FARS2: variants seen among roughly 807,000 people sequenced by gnomAD.
The protein encoded by FARS2 is phenylalanyl-tRNA synthetase 2, mitochondrial, also known as phenylalanine--tRNA ligase, mitochondrial.
A neutral mutation model predicts 46.4 loss-of-function variants in FARS2; 40 were observed. The ratio of observed to expected loss-of-function variants is 0.86; its 90% confidence interval spans 0.67 to 1.12. FARS2 has a LOEUF of 1.12. FARS2 is among the 50% of genes most tolerant of loss of function. FARS2 has a pLI of 0.00. For synonymous variants in FARS2, 234 were observed against 214.9 expected (o/e 1.09, Z -0.78); for missense variants, 513 against 567.9 (o/e 0.90, Z 0.98).
intron 4 of FARS2, among the ~76,000 whole-genome samples, chr6:5,498,470 G>T (rs975880487): frequency 6.6e-6 from 1 of 152,302 alleles, no homozygotes; most frequent in Admixed American, 6.5e-5. Flanking sequence ...AAACGTAAGT[G>T]TTTCTCCTCT....
At chr6:5,643,962 A>G (rs940386251) in intron 6 of FARS2, among the ~76,000 whole-genome samples, 1 of 152,204 alleles carries the variant, frequency 6.6e-6, no homozygotes, top group African/African-American at 2.4e-5. Flanking sequence ...TTGCTGGGGC[A>G]TTTACTGTAC....
intron 6 of FARS2, among the ~76,000 whole-genome samples, chr6:5,738,195 C>T (rs1761073689): frequency 6.6e-6 from 1 of 152,252 alleles, no homozygotes; most frequent in South Asian, 2.1e-4. Context: ...AAGCAATCCT[C>T]CTGCCTTGGC....
At chr6:5,733,140 C>A (rs1030370034) in intron 6 of FARS2, among the ~76,000 whole-genome samples, 14 of 152,202 alleles carry the variant, frequency 9.2e-5, no homozygotes, top group Admixed American at 6.5e-5. Flanking sequence ...ACCCTTCTGC[C>A]TCTGCGGAGA....
intron 6 of FARS2, among the ~76,000 whole-genome samples, chr6:5,754,094 A>G (rs1469344867): frequency 1.3e-5 from 2 of 152,244 alleles, no homozygotes; most frequent in South Asian, 2.1e-4. Context: ...AGTAACTGCT[A>G]TCTTTTATTG....
At chr6:5,671,973 T>C (rs1778490680) in intron 6 of FARS2, among the ~76,000 whole-genome samples, 1 of 152,178 alleles carries the variant, frequency 6.6e-6, no homozygotes, top group Admixed American at 6.5e-5. Flanking sequence ...GCGGAAGACA[T>C]TGTCCTACTT....
chr6:5,371,153 G>A, intron 2 of FARS2: 1 of 982,682 alleles, frequency 1.0e-6, no homozygotes, highest in Non-Finnish European at 1.2e-6. Flanking sequence ...GACCCAAAGG[G>A]GAGTTTTGGT....
At chr6:5,432,602 A>G (rs761809077) in intron 4 of FARS2, among the ~76,000 whole-genome samples, 4 of 146,938 alleles carry the variant, frequency 2.7e-5, no homozygotes, top group Non-Finnish European at 4.5e-5. Context: ...TGAGCTCACT[A>G]CATAAGCAGT....
chr6:5,518,478 G>GATC (rs1768945168), intron 4 of FARS2, among the ~76,000 whole-genome samples: 2 of 152,230 alleles, frequency 1.3e-5, no homozygotes, highest in Non-Finnish European at 2.9e-5. Flanking sequence ...GTCTGGAAGT[G>GATC]ATCAGGTGGT....
At chr6:5,766,048 T>G (rs1762734411) in intron 6 of FARS2, among the ~76,000 whole-genome samples, 1 of 152,240 alleles carries the variant, frequency 6.6e-6, no homozygotes, top group Non-Finnish European at 1.5e-5. Flanking sequence ...AAAATTTTTT[T>G]AGAATCTCTC....
At chr6:5,678,532 C>T (rs150964540) in intron 6 of FARS2, among the ~76,000 whole-genome samples, 2 of 152,298 alleles carry the variant, frequency 1.3e-5, no homozygotes, top group African/African-American at 2.4e-5. Flanking sequence ...GTCAGTGCTG[C>T]GCCCTCAACC....
chr6:5,601,178 G>T (rs1191157005), intron 5 of FARS2, among the ~76,000 whole-genome samples: 5 of 152,102 alleles, frequency 3.3e-5, no homozygotes, highest in Non-Finnish European at 7.4e-5. Flanking sequence ...CGAGTCTGTG[G>T]TATTTTTGTT....
intron 6 of FARS2, among the ~76,000 whole-genome samples, chr6:5,708,426 C>T (rs1758901687): frequency 6.6e-6 from 1 of 152,168 alleles, no homozygotes; most frequent in Non-Finnish European, 1.5e-5. Flanking sequence ...TCCAGTTTGT[C>T]CTGTGGTCCC....
At chr6:5,609,598 C>A (rs1775058048) in intron 5 of FARS2, 5 of 1,257,908 alleles carry the variant, frequency 4.0e-6, no homozygotes, top group Non-Finnish European at 5.7e-6. Context: ...TTTCCAGAAC[C>A]ACTTCACCTC....
At chr6:5,475,774 G>C (rs1561647177) in intron 4 of FARS2, among the ~76,000 whole-genome samples, 2 of 152,216 alleles carry the variant, frequency 1.3e-5, no homozygotes, top group South Asian at 2.1e-4. Flanking sequence ...TTACTCAGGT[G>C]CAGCTCAGAG....
At chr6:5,705,670 C>T (rs190346428) in intron 6 of FARS2, among the ~76,000 whole-genome samples, 14 of 152,268 alleles carry the variant, frequency 9.2e-5, no homozygotes, top group East Asian at 5.8e-4. Context: ...ATATTCCCAA[C>T]GTTATTTCCT....
chr6:5,260,306 G>A (rs1177089532), upstream of FARS2, among the ~76,000 whole-genome samples: 1 of 152,172 alleles, frequency 6.6e-6, no homozygotes, highest in Non-Finnish European at 1.5e-5. Flanking sequence ...GCAACACACT[G>A]GCCTTAACTT....
At chr6:5,464,863 GAAAATA>G (rs1348503816) in intron 4 of FARS2, among the ~76,000 whole-genome samples, 1 of 152,138 alleles carries the variant, frequency 6.6e-6, no homozygotes, top group African/African-American at 2.4e-5. Flanking sequence ...ATCTTAACAT[GAAAATA>G]ACAAAATGAA....
At chr6:5,665,651 GAGA>G (rs1286096216) in intron 6 of FARS2, among the ~76,000 whole-genome samples, 4 of 152,206 alleles carry the variant, frequency 2.6e-5, no homozygotes, top group Non-Finnish European at 5.9e-5. Context: ...CTGGGATAGA[GAGA>G]AGGACGTTCT....
At position 5,489,376 on chromosome 6, in the gene FARS2, C is replaced by G. The variant is rs558739746; in HGVS notation, c.905-55804C>G. Reference sequence around the variant, plus strand: ...GGCTGAGGAACTGGAATCACTTGAACCTGGGAGGCAGAGGTTGCAGTGAGC... The same window carrying G: ...GGCTGAGGAACTGGAATCACTTGAAGCTGGGAGGCAGAGGTTGCAGTGAGC... On this transcript the variant is annotated intron_variant, in intron 4 of 6. Transcript: ENST00000274680. 3.7e-4 allele frequency among the ~76,000 whole-genome samples: 56 copies of G among 152,254 alleles called. 1 individual carries two copies. The South Asian group carries it at 0.012, about 32-fold the overall frequency.
Sources: gnomAD v4.1 joint callset for allele counts (sites outside exome capture counted in the v4.1 genomes callset) on GRCh38, gnomAD v4.1.1 for gene constraint, MANE v1.5 for transcripts, NCBI Gene and HGNC (gene_info 2026-07-23, HGNC 2026-07-21) for gene names.